MTTP: variants seen among roughly 807,000 people sequenced by gnomAD.
MTTP encodes microsomal triglyceride transfer protein, also known as microsomal triglyceride transfer protein large subunit.
A neutral mutation model predicts 90.6 loss-of-function variants in MTTP; 49 were observed. That is an observed-to-expected ratio of 0.54 (90% CI 0.43 to 0.69). The LOEUF is 0.69. MTTP is among the 30% of genes least tolerant of loss of function. The pLI, the probability that MTTP is intolerant of heterozygous loss-of-function variation, is 0.00. For missense variants in MTTP, 945 were observed against 1,067.5 expected, an observed-to-expected ratio of 0.89 and a Z score of 1.60; for synonymous variants, 347 against 384.2, an observed-to-expected ratio of 0.90 and a Z score of 1.13.
Position 99,611,460 on chromosome 4 carries a change from C to T in MTTP, c.1989+7C>T, listed in dbSNP as rs748027452. The T allele has an allele frequency of 6.2e-7, 1 of 1,613,934 alleles. No individual in the cohort carries two copies. ...TGGTCTTCACGGTAGCCAGGTAACT[C>T]ACTTCTCATGGATTTTGCTTAATAA... On this transcript the variant is annotated splice_region_variant and intron_variant, in intron 14 of 17. Transcript: ENST00000265517.
intron 15 of MTTP, among the ~76,000 whole-genome samples, chr4:99,615,931 A>G (rs1726087861): frequency 6.6e-6 from 1 of 152,250 alleles, no homozygotes; most frequent in South Asian, 2.1e-4. Context: ...TCTAGTTCAT[A>G]GGAAAGAATC....
rs576265885 is a variant in MTTP, at chr4:99,621,166, A to G, written c.2448A>G (p.Thr816=). ...AAGCAGGCTTGGAGTTTATCTCCAC[A>G]GTGCAGTTTTCTCAGTACCCATTCT... ...ETEAGLEFIS[T]VQFSQYPFLV... is the part of the protein sequence containing the mutation. Residue 816 remains threonine, a synonymous_variant, in exon 17 of 18, where the codon ACA becomes ACG. Coordinates refer to ENST00000265517, the MANE Select transcript of MTTP (RefSeq NM_001386140.1). 39 of 1,614,096 alleles carry G rather than the reference A, an allele frequency of 2.4e-5. No individual in the cohort carries two copies. In the Middle Eastern group the frequency reaches 4.9e-4, roughly 20 times the overall value.
chr4:99,587,387 T>C (rs2035815), intron 3 of MTTP, among the ~76,000 whole-genome samples: 15,873 of 152,166 alleles, frequency 0.1, 996 homozygotes, highest in Middle Eastern at 0.2. Flanking sequence ...TTCATTGTGT[T>C]TCACAGTTTA....
At chr4:99,564,372 A>G (rs1724605719) in intron 1 of MTTP, 1 of 835,846 alleles carries the variant, frequency 1.2e-6, no homozygotes, top group Admixed American at 3.1e-5. Context: ...TTTATACAGA[A>G]AATTACCATA....
intron 9 of MTTP, 112 bp downstream of exon 9, chr4:99,600,845 G>A: frequency 9.9e-7 from 1 of 1,014,748 alleles, no homozygotes. Context: ...AGAGACTTCT[G>A]AGTATTCATA....
At chr4:99,591,524 T>C in intron 5 of MTTP, 127 bp from the exon 6 acceptor site, 1 of 1,141,934 alleles carries the variant, frequency 8.8e-7, no homozygotes, top group Non-Finnish European at 1.3e-6. Flanking sequence ...TTGTTGTAGG[T>C]GTTAGTAATG....
intron 1 of MTTP, 60 bp downstream of exon 1, chr4:99,575,030 AC>A (rs1724922853): frequency 6.4e-7 from 1 of 1,555,924 alleles, no homozygotes; most frequent in African/African-American, 1.4e-5. Flanking sequence ...GGAGGCAGAT[AC>A]GTGCGTGTGT....
intron 12 of MTTP, among the ~76,000 whole-genome samples, chr4:99,610,748 G>A (rs1339361864): frequency 6.6e-6 from 1 of 152,144 alleles, no homozygotes; most frequent in African/African-American, 2.4e-5. Context: ...ATTAGGGAAT[G>A]CAGAAAAACA....
upstream of MTTP, chr4:99,574,603 G>T: frequency 2.0e-6 from 1 of 490,724 alleles, no homozygotes; most frequent in Non-Finnish European, 3.7e-6. Context: ...TGCATTTATA[G>T]GATGGTAGAC....
chr4:99,621,769 G>A (rs1726239222), intron 17 of MTTP, among the ~76,000 whole-genome samples: 1 of 152,172 alleles, frequency 6.6e-6, no homozygotes, highest in Non-Finnish European at 1.5e-5. Flanking sequence ...AAAATAGTTA[G>A]TGTTTTAAAA....
upstream of MTTP, among the ~76,000 whole-genome samples, chr4:99,573,745 T>C (rs1481351124): frequency 6.6e-6 from 1 of 152,202 alleles, no homozygotes; most frequent in Non-Finnish European, 1.5e-5. Context: ...GTGACCAGGA[T>C]AGATTTAAGA....
chr4:99,573,588 T>C (rs114783596), upstream of MTTP, among the ~76,000 whole-genome samples: 62 of 152,288 alleles, frequency 4.1e-4, no homozygotes, highest in African/African-American at 1.4e-3. Context: ...TCGATCTTCA[T>C]ATATATAATT....
Position 99,594,773 on chromosome 4 carries a change from T to C in MTTP, c.799T>C (p.Leu267=), listed in dbSNP as rs7672497. 1.8e-4 allele frequency: 285 copies of C among 1,614,066 alleles called. 1 individual carries two copies. Among genetic ancestry groups the C allele is most frequent in the Non-Finnish European group, 2.1e-4 (242 of 1,179,926 alleles). Reference sequence around the variant, plus strand: ...GAAGACAACCGAAGCAGGCCCAAGATTGATGTCTGGAAAGCAGGCTGCAGC... The same window carrying C: ...GAAGACAACCGAAGCAGGCCCAAGACTGATGTCTGGAAAGCAGGCTGCAGC... ...ELKTTEAGPR[L]MSGKQAAAII... Residue 267 remains leucine, a synonymous_variant, in exon 7 of 18, where the codon TTG becomes CTG. Coordinates refer to ENST00000265517, the MANE Select transcript of MTTP (RefSeq NM_001386140.1).
At position 99,611,315 on chromosome 4, in the gene MTTP, T is replaced by A; in HGVS notation, c.1868-17T>A. On this transcript the variant is annotated splice_polypyrimidine_tract_variant and intron_variant, in intron 13 of 17. Coordinates refer to ENST00000265517, the MANE Select transcript of MTTP (RefSeq NM_001386140.1). ...TGCTGGAACTGCTATTAAATTACAG[T>A]TATTGTGTGTCATCAGGTAGTCCCC... 1 of 1,614,018 alleles carries A rather than the reference T, an allele frequency of 6.2e-7. No individual in the cohort carries two copies. The highest frequency in any genetic ancestry group is 8.5e-7 in the Non-Finnish European group (1 of 1,179,962).
intron 1 of MTTP, among the ~76,000 whole-genome samples, chr4:99,576,295 G>A (rs536043017): frequency 6.6e-6 from 1 of 152,244 alleles, no homozygotes; most frequent in South Asian, 2.1e-4. Flanking sequence ...AATACCATAA[G>A]TATTTTGAGA....
At chr4:99,584,282 A>T (rs1473432728) in intron 3 of MTTP, 1 of 152,094 alleles carries the variant, frequency 6.6e-6, no homozygotes, top group Non-Finnish European at 1.5e-5. Context: ...GTGTCTAAAG[A>T]TGAGAGCTCA....
chr4:99,583,674 C>A, intron 3 of MTTP, 157 bp downstream of exon 3: 1 of 894,172 alleles, frequency 1.1e-6, no homozygotes, highest in Non-Finnish European at 1.8e-6. Context: ...TAAATGTTTC[C>A]AAACTGAATC....
chr4:99,579,925 T>C (rs1725062128), intron 1 of MTTP, among the ~76,000 whole-genome samples: 1 of 149,564 alleles, frequency 6.7e-6, no homozygotes, highest in African/African-American at 2.5e-5. Flanking sequence ...TGGTCCCAAC[T>C]ACTCAGAAGG....
chr4:99,619,971 C>T (rs953359387), intron 16 of MTTP, among the ~76,000 whole-genome samples: 16 of 152,082 alleles, frequency 1.1e-4, no homozygotes, highest in African/African-American at 3.9e-4. Context: ...GAAGTTTTTC[C>T]AAATGAAATG....
Sources: allele counts gnomAD v4.1 joint callset (sites outside exome capture counted in the v4.1 genomes callset), GRCh38; gene constraint gnomAD v4.1.1; transcripts MANE v1.5; gene names NCBI Gene and HGNC (gene_info 2026-07-23, HGNC 2026-07-21).